The following GRIK2 variants were observed in gnomAD, a reference collection of about 807,000 sequenced individuals.
GRIK2 encodes the protein glutamate receptor ionotropic, kainate 2.
GRIK2 carries 32 observed loss-of-function variants against 100.3 expected under a neutral mutation model. The ratio of observed to expected loss-of-function variants is 0.32; its 90% CI spans 0.24 to 0.43. The LOEUF (loss-of-function observed/expected upper bound fraction) is 0.43. Ranked by LOEUF, GRIK2 falls within the 20% of genes least tolerant of loss-of-function variation. GRIK2 has a pLI of 1.00. For missense variants in GRIK2, 843 were observed against 1,114.9 expected (o/e 0.76, Z 3.47); for synonymous variants, 417 against 389.4 (o/e 1.07, Z -0.83).
intron 11 of GRIK2, among the ~76,000 whole-genome samples, chr6:101,882,491 T>C (rs1028014925): frequency 7.2e-5 from 11 of 152,220 alleles, no homozygotes; most frequent in African/African-American, 2.4e-4. Context: ...CAATATTATT[T>C]GAAATTATTA....
chr6:101,961,713 A>T (rs373840292), intron 14 of GRIK2, among the ~76,000 whole-genome samples: 1 of 152,064 alleles, frequency 6.6e-6, no homozygotes, highest in African/African-American at 2.4e-5. Context: ...GCACTTCGGC[A>T]TGTGACACTC....
At chr6:101,868,976 A>G (rs931888381) in intron 11 of GRIK2, among the ~76,000 whole-genome samples, 1 of 151,930 alleles carries the variant, frequency 6.6e-6, no homozygotes, top group Non-Finnish European at 1.5e-5. Flanking sequence ...AGATATTCTG[A>G]AAATATTTTG....
intron 11 of GRIK2, among the ~76,000 whole-genome samples, chr6:101,878,110 T>G (rs1351062956): frequency 7.0e-6 from 1 of 143,356 alleles, no homozygotes; most frequent in Non-Finnish European, 1.5e-5. Context: ...TTATATTATA[T>G]TATATTATAT....
At chr6:102,003,875 G>A (rs977283276) in intron 14 of GRIK2, among the ~76,000 whole-genome samples, 1 of 151,550 alleles carries the variant, frequency 6.6e-6, no homozygotes, top group African/African-American at 2.4e-5. Context: ...AAATTCTATA[G>A]TGCTTAGCAG....
At chr6:101,765,095 G>C (rs7772568) in intron 7 of GRIK2, among the ~76,000 whole-genome samples, 9,065 of 152,072 alleles carry the variant, frequency 0.06, 714 homozygotes, top group African/African-American at 0.18. Flanking sequence ...CTAACTCTTA[G>C]ACTTCTTTAG....
chr6:101,707,148 A>G (rs749204376), intron 7 of GRIK2, among the ~76,000 whole-genome samples: 32 of 151,866 alleles, frequency 2.1e-4, no homozygotes, highest in Admixed American at 6.6e-4. Context: ...ATCTCAAAAC[A>G]TATATCCTGA....
chr6:101,906,654 A>T (rs1788250929), intron 12 of GRIK2, among the ~76,000 whole-genome samples: 1 of 151,764 alleles, frequency 6.6e-6, no homozygotes, highest in Non-Finnish European at 1.5e-5. Context: ...ATAAGAATGG[A>T]TGGCATTTCA....
At chr6:101,537,776 A>G (rs1467803368) in intron 2 of GRIK2, among the ~76,000 whole-genome samples, 7 of 151,776 alleles carry the variant, frequency 4.6e-5, no homozygotes, top group Non-Finnish European at 8.9e-5. Context: ...TAAGACTCCT[A>G]TTTTCGAGTG....
At chr6:101,502,802 A>G (rs1414562378) in intron 2 of GRIK2, among the ~76,000 whole-genome samples, 1 of 152,166 alleles carries the variant, frequency 6.6e-6, no homozygotes, top group Non-Finnish European at 1.5e-5. Flanking sequence ...ACTTTCTACT[A>G]TTATTAATCC....
At chr6:101,414,825 C>T (rs1776044722) in intron 2 of GRIK2, among the ~76,000 whole-genome samples, 1 of 152,144 alleles carries the variant, frequency 6.6e-6, no homozygotes, top group South Asian at 2.1e-4. Flanking sequence ...GCTGAAACAT[C>T]TCAGGGTCTT....
chr6:101,771,153 A>C (rs1049282929), intron 7 of GRIK2, among the ~76,000 whole-genome samples: 45 of 152,092 alleles, frequency 3.0e-4, no homozygotes, highest in African/African-American at 1.1e-3. Context: ...TTATCATTTG[A>C]TTCTTTCATT....
chr6:101,783,260 G>A (rs1779212103), intron 7 of GRIK2, among the ~76,000 whole-genome samples: 1 of 151,904 alleles, frequency 6.6e-6, no homozygotes, highest in East Asian at 1.9e-4. Flanking sequence ...TCTCATGATA[G>A]TGAGGGAGTT....
chr6:101,429,378 C>T (rs1179888500), intron 2 of GRIK2, among the ~76,000 whole-genome samples: 3 of 152,174 alleles, frequency 2.0e-5, no homozygotes, highest in African/African-American at 7.2e-5. Flanking sequence ...AGTGCACACC[C>T]TAACTACATA....
chr6:101,910,518 T>C (rs1408092197), intron 12 of GRIK2, among the ~76,000 whole-genome samples: 3 of 151,210 alleles, frequency 2.0e-5, no homozygotes, highest in Non-Finnish European at 4.4e-5. Context: ...TCAAATCAAG[T>C]GTTAGCAATG....
chr6:101,943,815 C>A lies in GRIK2; in HGVS notation c.2085+15183C>A, dbSNP rs538349095. On this transcript the variant is annotated intron_variant, in intron 14 of 16. Coordinates refer to ENST00000369134, the MANE Select transcript of GRIK2 (RefSeq NM_021956.5). Reference sequence around the variant, plus strand: ...AGGCTCATAGGCAAAAGATACTTATCTTGTCTCAGATGAAACTTGGATTGG... The same window carrying A: ...AGGCTCATAGGCAAAAGATACTTATATTGTCTCAGATGAAACTTGGATTGG... 3.9e-5 allele frequency among the ~76,000 whole-genome samples: 6 copies of A among 152,274 alleles called. No individual in the cohort carries two copies. The South Asian group carries it at 1.2e-3, about 32-fold the overall frequency.
At chr6:101,580,723 C>G (rs951447993) in intron 2 of GRIK2, among the ~76,000 whole-genome samples, 14 of 152,108 alleles carry the variant, frequency 9.2e-5, no homozygotes, top group Non-Finnish European at 1.8e-4. Context: ...CCTTTCTCAG[C>G]CTCTGTGACC....
At chr6:101,610,800 C>T (rs969742194) in intron 2 of GRIK2, among the ~76,000 whole-genome samples, 11 of 151,744 alleles carry the variant, frequency 7.2e-5, no homozygotes, top group African/African-American at 2.4e-4. Flanking sequence ...TAAATAAGTA[C>T]GATTAAGCAC....
chr6:101,736,356 C>T (rs554934449), intron 7 of GRIK2, among the ~76,000 whole-genome samples: 3 of 152,342 alleles, frequency 2.0e-5, no homozygotes, highest in Admixed American at 1.3e-4. Flanking sequence ...CTCCCTTTCA[C>T]ACTGCCCTAG....
At chr6:101,398,503 A>G (rs1775108593) in intron 1 of GRIK2, among the ~76,000 whole-genome samples, 1 of 152,176 alleles carries the variant, frequency 6.6e-6, no homozygotes, top group African/African-American at 2.4e-5. Context: ...TTTCAATCTA[A>G]CCACAAGTTA....
Sources: gnomAD v4.1 joint callset for allele counts (sites outside exome capture counted in the v4.1 genomes callset) on GRCh38, gnomAD v4.1.1 for gene constraint, MANE v1.5 for transcripts, NCBI Gene and HGNC (gene_info 2026-07-23, HGNC 2026-07-21) for gene names.